The following ABLIM1 variants were observed in gnomAD, a reference collection of about 807,000 sequenced individuals.
ABLIM1 encodes the protein actin-binding LIM protein 1.
In ABLIM1, 40 loss-of-function variants were observed where a neutral mutation model predicts 107.0. That is an observed-to-expected ratio of 0.37 (90% CI 0.29 to 0.49). The LOEUF (loss-of-function observed/expected upper bound fraction) is 0.49. Among genes scored for constraint, ABLIM1 ranks in the 20% least tolerant of loss-of-function variants. The pLI is 0.97. For missense variants in ABLIM1, 857 were observed against 1,008.5 expected (o/e 0.85, Z 2.04); for synonymous variants, 357 against 357.3 (o/e 1.00, Z 0.01).
chr10:114,663,563 G>A (rs1355381150), intron 1 of ABLIM1, among the ~76,000 whole-genome samples: 2 of 152,192 alleles, frequency 1.3e-5, no homozygotes, highest in East Asian at 3.8e-4. Context: ...GCTAGGAGAG[G>A]AAAATGTTCA....
At chr10:114,760,023 C>T (rs1453403393) in intron 1 of ABLIM1, among the ~76,000 whole-genome samples, 1 of 152,106 alleles carries the variant, frequency 6.6e-6, no homozygotes, top group Non-Finnish European at 1.5e-5. Context: ...CTTTTTCCAC[C>T]CAAAAACCAT....
At chr10:114,545,191 G>A in intron 5 of ABLIM1, 93 bp from the exon 6 acceptor site, 1 of 1,142,864 alleles carries the variant, frequency 8.7e-7, no homozygotes. Flanking sequence ...TTCCACAGAA[G>A]GGCAGGACAT....
rs375446895 is a variant in ABLIM1, at chr10:114,632,055, G to C, written c.244+25902C>G. On this transcript the variant is annotated intron_variant, in intron 1 of 22. Transcript: ENST00000533213. ...CCCCGGCATCCGCTTGTGAGGTCCG[G>C]GGCTGTGGTCTCGAGTCCCGCCCCG... is the stretch of plus-strand genomic sequence containing the variant. 1,282 of 1,224,674 alleles carry C rather than the reference G, an allele frequency of 1.0e-3. 13 individuals are homozygous for C. The African/African-American group carries it at 0.019, about 18-fold the overall frequency. 75.9% of individuals were successfully genotyped at this position (1,224,674 alleles called of 1,614,324 possible). A position where few individuals can be genotyped will look rare whatever the true frequency, so the allele number is the denominator to read the frequency against.
chr10:114,631,990 C>CG, intron 1 of ABLIM1: 1 of 1,300,556 alleles, frequency 7.7e-7, no homozygotes, highest in Middle Eastern at 2.3e-4. Context: ...AAGCGCGCCT[C>CG]GGCAGACAGA....
chr10:114,632,215 T>C (rs2140755730), intron 1 of ABLIM1: 2 of 985,374 alleles, frequency 2.0e-6, no homozygotes, highest in South Asian at 9.4e-5. Flanking sequence ...GCTGCTGCTG[T>C]AACAAATGCA....
intron 1 of ABLIM1, among the ~76,000 whole-genome samples, chr10:114,667,309 T>A (rs906500938): frequency 2.0e-5 from 3 of 152,202 alleles, no homozygotes; most frequent in Non-Finnish European, 2.9e-5. Flanking sequence ...AGTGACCATG[T>A]AGTCCCAAAA....
the ABLIM1 span, among the ~76,000 whole-genome samples, chr10:114,799,942 A>G: frequency 6.6e-6 from 1 of 152,064 alleles, no homozygotes; most frequent in Non-Finnish European, 1.5e-5. Context: ...CACCAGACTA[A>G]TCTTCGTATT....
chr10:114,722,247 A>G (rs2081864001), intron 1 of ABLIM1, among the ~76,000 whole-genome samples: 1 of 152,128 alleles, frequency 6.6e-6, no homozygotes, highest in Non-Finnish European at 1.5e-5. Context: ...GAAACTTACA[A>G]TTATGGTGGA....
At chr10:114,644,351 CAT>C (rs1265970187) in intron 1 of ABLIM1, among the ~76,000 whole-genome samples, 6 of 103,910 alleles carry the variant, frequency 5.8e-5, no homozygotes, top group Non-Finnish European at 9.0e-5. Flanking sequence ...TGTATATATA[CAT>C]ATATATATAC....
rs550486754 is a variant in ABLIM1 at position 114,454,099 on chromosome 10, C to G, written c.1442-616G>C. Among the ~76,000 whole-genome samples the G allele has an allele frequency of 5.3e-5, 8 of 152,206 alleles. No individual in the cohort carries two copies. In the East Asian group the frequency reaches 1.5e-3, roughly 29 times the overall value. On this transcript the variant is annotated intron_variant, in intron 12 of 22. Coordinates refer to ENST00000533213, the MANE Select transcript of ABLIM1 (RefSeq NM_002313.7). ...GCGTGTCAGCCAGGTATTTCACGAC[C>G]ATTTATACCTCTCCCCATCTTTCAC...
rs1435880497 is a variant in ABLIM1, at chr10:114,733,636, TC to T, written c.-213+34424del. ...GGAACACAGGTAGTGCCTGGGGAAA[TC>T]AATTAATAACATCCAGATTCAGTAT... On this transcript the variant is annotated intron_variant, in intron 1 of 15. Transcript: ENST00000651092. Among the ~76,000 whole-genome samples, 5 of 152,260 alleles carry T rather than the reference TC, an allele frequency of 3.3e-5. No individual in the cohort carries two copies. The East Asian group carries it at 5.8e-4, about 18-fold the overall frequency.
At chr10:114,615,836 A>C (rs1484948224) in intron 1 of ABLIM1, among the ~76,000 whole-genome samples, 2 of 151,460 alleles carry the variant, frequency 1.3e-5, no homozygotes, top group Admixed American at 6.6e-5. Flanking sequence ...AAAACAGCTG[A>C]AGGAAGGAGC....
At chr10:114,736,150 T>C (rs2082174998) in intron 1 of ABLIM1, among the ~76,000 whole-genome samples, 1 of 152,206 alleles carries the variant, frequency 6.6e-6, no homozygotes, top group African/African-American at 2.4e-5. Context: ...ATCATTTCCA[T>C]AACCTTAAAG....
At chr10:114,698,408 T>TAAA (rs34629916) in intron 1 of ABLIM1, among the ~76,000 whole-genome samples, 1 of 116,932 alleles carries the variant, frequency 8.6e-6, no homozygotes, top group Non-Finnish European at 1.9e-5. Flanking sequence ...ATTAAAAATG[T>TAAA]AAAAAAAAAA....
upstream of ABLIM1, among the ~76,000 whole-genome samples, chr10:114,661,037 A>AT (rs543251569): frequency 1.2e-4 from 18 of 149,432 alleles, no homozygotes; most frequent in East Asian, 3.9e-4. Context: ...ACACTCCTAA[A>AT]TTTTTTTTTT....
intron 1 of ABLIM1, among the ~76,000 whole-genome samples, chr10:114,717,706 G>A (rs1033275919): frequency 2.0e-5 from 3 of 152,060 alleles, no homozygotes; most frequent in Non-Finnish European, 4.4e-5. Context: ...CGTGAGCCCA[G>A]GAGTTCAAGA....
chr10:114,610,258 A>G (rs2076717062), intron 1 of ABLIM1, among the ~76,000 whole-genome samples: 1 of 152,208 alleles, frequency 6.6e-6, no homozygotes. Flanking sequence ...ACGACACACC[A>G]TTGGGAGGAC....
the ABLIM1 span, among the ~76,000 whole-genome samples, chr10:114,789,204 G>A: frequency 2.0e-5 from 3 of 151,780 alleles, no homozygotes; most frequent in Non-Finnish European, 4.4e-5. Context: ...GCAGTGAGCC[G>A]AGATCATACC....
intron 1 of ABLIM1, among the ~76,000 whole-genome samples, chr10:114,741,216 CTTT>C (rs751287379): frequency 3.7e-4 from 22 of 59,886 alleles, no homozygotes; most frequent in African/African-American, 1.2e-3. Context: ...GACTATTCTT[CTTT>C]TTTTTTTTTT....
Sources: allele counts gnomAD v4.1 joint callset (sites outside exome capture counted in the v4.1 genomes callset), GRCh38; gene constraint gnomAD v4.1.1; transcripts MANE v1.5; gene names NCBI Gene and HGNC (gene_info 2026-07-23, HGNC 2026-07-21).